The following MYBL2 variants were observed in gnomAD, a reference collection of about 807,000 sequenced individuals.
The protein encoded by MYBL2 is MYB proto-oncogene like 2, also known as myb-related protein B.
MYBL2 carries 28 observed loss-of-function variants against 79.9 expected under a neutral mutation model. The ratio of observed to expected loss-of-function variants is 0.35; its 90% CI spans 0.26 to 0.48. The LOEUF is 0.48. MYBL2 is among the 20% of genes least tolerant of loss of function. MYBL2 has a pLI of 0.99. For synonymous variants in MYBL2, 378 were observed against 361.2 expected, an observed-to-expected ratio of 1.05 and a Z score of -0.53; for missense variants, 735 against 893.9, an observed-to-expected ratio of 0.82 and a Z score of 2.27.
intron 1 of MYBL2, 53 bp downstream of exon 1, chr20:43,667,356 TC>T: frequency 9.8e-7 from 1 of 1,018,414 alleles, no homozygotes. Flanking sequence ...AACTCACCCC[TC>T]CCCCACCCAG....
intron 6 of MYBL2, among the ~76,000 whole-genome samples, chr20:43,695,248 C>T (rs1987508591): frequency 6.6e-6 from 1 of 151,968 alleles, no homozygotes; most frequent in African/African-American, 2.4e-5. Context: ...GCCATTTTGG[C>T]CAGGCTGGTC....
At chr20:43,675,761 T>TTGTGTGTGTGTGTG (rs34999422) in intron 2 of MYBL2, among the ~76,000 whole-genome samples, 99 of 148,200 alleles carry the variant, frequency 6.7e-4, no homozygotes, top group African/African-American at 2.4e-3. Flanking sequence ...TTTGGGGGCT[T>TTGTGTGTGTGTGTG]TGTGTGTGTG....
intron 1 of MYBL2, 87 bp downstream of exon 1, chr20:43,667,390 TC>T: frequency 1.1e-6 from 1 of 927,912 alleles, no homozygotes; most frequent in African/African-American, 1.8e-5. Context: ...CTCCCCAGGC[TC>T]CCACCAAGCT....
At chr20:43,674,423 G>C (rs1437794365) in intron 2 of MYBL2, among the ~76,000 whole-genome samples, 8 of 142,486 alleles carry the variant, frequency 5.6e-5, no homozygotes, top group Non-Finnish European at 9.1e-5. Flanking sequence ...GTCTCGCTTT[G>C]TCACCCAGGC....
At chr20:43,711,314 C>G (rs545374934) in intron 10 of MYBL2, among the ~76,000 whole-genome samples, 174 bp from the exon 11 acceptor site, 1 of 152,304 alleles carries the variant, frequency 6.6e-6, no homozygotes, top group Admixed American at 6.5e-5. Context: ...AGCTGCTTGT[C>G]CAAGGCAGCA....
intron 6 of MYBL2, among the ~76,000 whole-genome samples, chr20:43,697,204 C>A (rs1413001006): frequency 1.3e-5 from 2 of 152,110 alleles, no homozygotes; most frequent in African/African-American, 4.8e-5. Context: ...GAAAAAAAAT[C>A]TTTGCCAGTT....
At chr20:43,700,605 A>C (rs1190207227) in intron 7 of MYBL2, among the ~76,000 whole-genome samples, 2 of 151,600 alleles carry the variant, frequency 1.3e-5, no homozygotes. Flanking sequence ...TGCTGTGTAG[A>C]GCGGGTTTTG....
rs1444897943 is a variant in MYBL2 at position 43,702,414 on chromosome 20, A to G, written c.952-76A>G. The G allele has an allele frequency of 1.2e-5, 18 of 1,459,544 alleles. No individual in the cohort carries two copies. In the East Asian group the frequency reaches 4.1e-4, roughly 34 times the overall value. The allele number at this position is 1,459,544 out of a possible 1,614,324, so 90.4% of individuals were successfully genotyped here. A position where few individuals can be genotyped will look rare whatever the true frequency, so the allele number is the denominator to read the frequency against. ...CTGTGGGATCATACTTGACACTTAAATATTTCCCGTAATGAATGAGTCCTC... is the reference window on the plus strand; with the variant it reads ...CTGTGGGATCATACTTGACACTTAAGTATTTCCCGTAATGAATGAGTCCTC... On this transcript the variant is annotated intron_variant, in intron 7 of 13. Transcript: ENST00000217026.
At chr20:43,690,104 G>C (rs1382637531) in intron 5 of MYBL2, among the ~76,000 whole-genome samples, 3 of 152,160 alleles carry the variant, frequency 2.0e-5, no homozygotes, top group Admixed American at 2.0e-4. Flanking sequence ...ATGCATGCGA[G>C]GTATGTACAT....
intron 2 of MYBL2, among the ~76,000 whole-genome samples, chr20:43,678,861 AAAAAAAAAAAAAAG>A (rs1019362956): frequency 3.4e-5 from 4 of 116,854 alleles, no homozygotes; most frequent in African/African-American, 1.7e-4. Context: ...CCGTCTCAAA[AAAAAAAAAAAAAAG>A]AAAAAAACAT....
chr20:43,703,002 C>T, intron 8 of MYBL2, 99 bp downstream of exon 8: 8 of 1,317,446 alleles, frequency 6.1e-6, no homozygotes, highest in Non-Finnish European at 8.3e-6. Context: ...GCTCTGCCCT[C>T]ATGCAGCTTA....
chr20:43,707,280 C>T (rs1429841161), intron 9 of MYBL2, among the ~76,000 whole-genome samples: 2 of 151,794 alleles, frequency 1.3e-5, no homozygotes, highest in African/African-American at 2.4e-5. Flanking sequence ...AATGATTGTC[C>T]GTTCAAACCA....
chr20:43,713,770 T>G (rs1987965702), intron 12 of MYBL2, among the ~76,000 whole-genome samples: 1 of 152,158 alleles, frequency 6.6e-6, no homozygotes, highest in East Asian at 1.9e-4. Flanking sequence ...GCCAGTGGAC[T>G]TGCTGTGCCG....
chr20:43,668,149 T>G (rs374611603), intron 1 of MYBL2, among the ~76,000 whole-genome samples: 2 of 150,892 alleles, frequency 1.3e-5, no homozygotes, highest in African/African-American at 2.4e-5. Context: ...GGTCCTGACC[T>G]CTTCCCTGCC....
At chr20:43,703,602 A>G (rs573581065) in intron 8 of MYBL2, among the ~76,000 whole-genome samples, 3 of 151,910 alleles carry the variant, frequency 2.0e-5, no homozygotes, top group East Asian at 3.9e-4. Flanking sequence ...GGATGTGTGG[A>G]GTGGTGGGGG....
At chr20:43,709,905 G>T in intron 9 of MYBL2, 58 bp from the exon 10 acceptor site, 2 of 1,398,060 alleles carry the variant, frequency 1.4e-6, no homozygotes, top group South Asian at 2.6e-5. Flanking sequence ...CAGGGCAGCA[G>T]AGTGCCTGGC....
chr20:43,689,973 A>G (rs1481234792), intron 5 of MYBL2, among the ~76,000 whole-genome samples: 2 of 152,172 alleles, frequency 1.3e-5, no homozygotes, highest in East Asian at 3.9e-4. Context: ...TCTCTTGGAA[A>G]GGTTCTCACC....
chr20:43,684,852 C>T (rs780713272), intron 4 of MYBL2, among the ~76,000 whole-genome samples: 108 of 136,366 alleles, frequency 7.9e-4, no homozygotes, highest in Non-Finnish European at 1.4e-3. Flanking sequence ...AAAAAAAAAA[C>T]ACAAAAGAAA....
At chr20:43,692,118 C>T (rs1987425961) in intron 5 of MYBL2, 39 bp from the exon 6 acceptor site, 1 of 1,596,838 alleles carries the variant, frequency 6.3e-7, no homozygotes, top group South Asian at 1.1e-5. Flanking sequence ...ACCCCACCCA[C>T]AGAGCTGGGG....
Sources: gnomAD v4.1 joint callset for allele counts (sites outside exome capture counted in the v4.1 genomes callset) on GRCh38, gnomAD v4.1.1 for gene constraint, MANE v1.5 for transcripts, NCBI Gene and HGNC (gene_info 2026-07-23, HGNC 2026-07-21) for gene names.